The following TRAF3IP1 variants were observed in gnomAD, a reference collection of about 807,000 sequenced individuals.
TRAF3IP1 encodes the protein TRAF3-interacting protein 1.
Under a neutral mutation model 89.9 loss-of-function variants are expected in TRAF3IP1, and 53 were observed. The observed-to-expected ratio is 0.59, with a 90% CI of 0.47 to 0.74. TRAF3IP1 has a LOEUF of 0.74. Ranked by LOEUF, TRAF3IP1 falls within the 30% of genes least tolerant of loss-of-function variation. The pLI, the probability that TRAF3IP1 is intolerant of heterozygous loss-of-function variation, is 0.00. For missense variants in TRAF3IP1, 806 were observed against 866.1 expected (o/e 0.93, Z 0.87); for synonymous variants, 311 against 322.1 (o/e 0.97, Z 0.37).
chr2:238,342,063 A>G (rs1698684518), intron 8 of TRAF3IP1, among the ~76,000 whole-genome samples: 1 of 151,928 alleles, frequency 6.6e-6, no homozygotes, highest in Non-Finnish European at 1.5e-5. Context: ...ATCTTGGCTC[A>G]CTGCAACCTC....
At chr2:238,328,156 T>G (rs1697930620) in intron 3 of TRAF3IP1, among the ~76,000 whole-genome samples, 2 of 152,212 alleles carry the variant, frequency 1.3e-5, no homozygotes, top group Admixed American at 1.3e-4. Context: ...TTTGAGGAGC[T>G]GTTATACTAT....
chr2:238,376,554 A>G (rs1363090025), intron 15 of TRAF3IP1, among the ~76,000 whole-genome samples: 1 of 152,220 alleles, frequency 6.6e-6, no homozygotes, highest in Non-Finnish European at 1.5e-5. Flanking sequence ...TTGGGATTTC[A>G]GTTGGAGTAT....
At chr2:238,349,568 C>T (rs1342398037) in intron 12 of TRAF3IP1, among the ~76,000 whole-genome samples, 160 bp downstream of exon 12, 6 of 152,068 alleles carry the variant, frequency 3.9e-5, no homozygotes, top group Admixed American at 3.9e-4. Context: ...CACCATAGGC[C>T]AACAGACATG....
chr2:238,389,748 AAATAATAATAATAAT>A (rs71905391), intron 15 of TRAF3IP1, among the ~76,000 whole-genome samples: 9 of 146,336 alleles, frequency 6.2e-5, no homozygotes, highest in Non-Finnish European at 1.3e-4. Flanking sequence ...ACTCCATCTC[AAATAATAATAATAAT>A]AATAATAATA....
chr2:238,373,590 T>G (rs1021412182), intron 15 of TRAF3IP1, among the ~76,000 whole-genome samples: 1 of 152,198 alleles, frequency 6.6e-6, no homozygotes, highest in Admixed American at 6.5e-5. Flanking sequence ...TTGTTCTTTT[T>G]GCTTAGGATC....
rs191341278 is a variant in TRAF3IP1, at chr2:238,324,186, G to A, written c.124-1120G>A. Among the ~76,000 whole-genome samples the A allele has an allele frequency of 1.1e-4, 17 of 152,188 alleles. No individual in the cohort carries two copies. In the East Asian group the frequency reaches 3.3e-3, roughly 29 times the overall value. On this transcript the variant is annotated intron_variant, in intron 1 of 16. Transcript: ENST00000373327. Reference sequence around the variant, plus strand: ...GGGTTCAAACAATTCTGTTGCCTCAGCCTCCTGAGTAGCTGGGATTACAGA... The same window carrying A: ...GGGTTCAAACAATTCTGTTGCCTCAACCTCCTGAGTAGCTGGGATTACAGA...
At chr2:238,346,856 C>T (rs1698918359) in intron 9 of TRAF3IP1, among the ~76,000 whole-genome samples, 1 of 152,262 alleles carries the variant, frequency 6.6e-6, no homozygotes, top group Non-Finnish European at 1.5e-5. Flanking sequence ...CACCCCACCC[C>T]TGTGGTGCCA....
intron 8 of TRAF3IP1, among the ~76,000 whole-genome samples, chr2:238,341,224 T>C (rs993780136): frequency 6.6e-6 from 1 of 151,520 alleles, no homozygotes; most frequent in African/African-American, 2.4e-5. Context: ...CATCTCACTT[T>C]GTTGCCTAGG....
chr2:238,387,782 C>A (rs963366200), intron 15 of TRAF3IP1, among the ~76,000 whole-genome samples: 18 of 152,188 alleles, frequency 1.2e-4, no homozygotes, highest in African/African-American at 4.3e-4. Context: ...ATGGTTGATT[C>A]TTAAACATAA....
intron 15 of TRAF3IP1, among the ~76,000 whole-genome samples, chr2:238,356,904 G>A (rs1439554536): frequency 2.0e-5 from 3 of 151,210 alleles, no homozygotes; most frequent in Admixed American, 6.6e-5. Flanking sequence ...TCAGCCTCCC[G>A]TGTAGCTGGG....
intron 3 of TRAF3IP1, 98 bp from the exon 4 acceptor site, chr2:238,328,588 C>A (rs761086657): frequency 2.6e-5 from 36 of 1,377,942 alleles, no homozygotes; most frequent in Non-Finnish European, 3.5e-5. Context: ...GACAGAGAAT[C>A]TGTCTCATGA....
At chr2:238,325,170 A>G in intron 1 of TRAF3IP1, 136 bp from the exon 2 acceptor site, 1 of 855,670 alleles carries the variant, frequency 1.2e-6, no homozygotes, top group South Asian at 1.5e-5. Flanking sequence ...GTAGACATCA[A>G]ATATTTCTTA....
intron 9 of TRAF3IP1, 86 bp downstream of exon 9, chr2:238,344,684 C>A: frequency 1.7e-6 from 2 of 1,194,240 alleles, no homozygotes; most frequent in African/African-American, 1.5e-5. Context: ...CAGCCCAGAG[C>A]CCGAGGTTTT....
rs139852339 is a variant in TRAF3IP1, at chr2:238,397,476, G to A, written c.1707G>A (p.Glu569=). The A allele has an allele frequency of 2.0e-4, 329 of 1,612,832 alleles. No individual in the cohort carries two copies. The highest frequency in any genetic ancestry group is 2.6e-4 in the Non-Finnish European group (301 of 1,179,898). ...KPGEKERSLF[E]SAWKKEKDIV... Reference sequence around the variant, plus strand: ...GACTGTAGGAGCGATCTCTCTTTGAGTCGGCATGGAAGAAGGAGAAGGACA... The same window carrying A: ...GACTGTAGGAGCGATCTCTCTTTGAATCGGCATGGAAGAAGGAGAAGGACA... Residue 569 remains glutamate (E), a synonymous_variant, in exon 16 of 17, where the codon GAG becomes GAA. Coordinates refer to ENST00000373327, the MANE Select transcript of TRAF3IP1 (RefSeq NM_015650.4).
Position 238,338,466 on chromosome 2 carries a change from A to C in TRAF3IP1, c.1159+9A>C. The C allele has an allele frequency of 6.8e-7, 1 of 1,476,452 alleles. No individual in the cohort carries two copies. The allele number at this position is 1,476,452 out of a possible 1,614,324, so 91.5% of individuals were successfully genotyped here. ...GACAACATCAGAAATAGGTAAGAAA[A>C]ATATATTCTTTAGTTTAAATTCCTC... On this transcript the variant is annotated intron_variant, in intron 8 of 16. Transcript: ENST00000373327.
At chr2:238,353,318 C>T in intron 14 of TRAF3IP1, 109 bp downstream of exon 14, 1 of 1,254,120 alleles carries the variant, frequency 8.0e-7, no homozygotes, top group South Asian at 1.3e-5. Flanking sequence ...GTGCCAGGTT[C>T]TGGTCTGGGT....
intron 11 of TRAF3IP1, 58 bp downstream of exon 11, chr2:238,348,906 G>C: frequency 1.0e-5 from 15 of 1,430,122 alleles, no homozygotes; most frequent in Non-Finnish European, 1.5e-5. Flanking sequence ...GGACACTGCT[G>C]TGCTTCTCTT....
intron 15 of TRAF3IP1, among the ~76,000 whole-genome samples, chr2:238,371,346 GA>G (rs1333467555): frequency 6.6e-6 from 1 of 151,932 alleles, no homozygotes; most frequent in Non-Finnish European, 1.5e-5. Flanking sequence ...TGTACATCAA[GA>G]AAAAATAGGT....
intron 15 of TRAF3IP1, among the ~76,000 whole-genome samples, chr2:238,372,550 GT>G (rs1700153788): frequency 6.6e-6 from 1 of 152,108 alleles, no homozygotes; most frequent in Non-Finnish European, 1.5e-5. Context: ...ATTTGGGTTG[GT>G]TCCAAGTCTT....
Sources: gnomAD v4.1 joint callset for allele counts (sites outside exome capture counted in the v4.1 genomes callset) on GRCh38, gnomAD v4.1.1 for gene constraint, MANE v1.5 for transcripts, NCBI Gene and HGNC (gene_info 2026-07-23, HGNC 2026-07-21) for gene names.